CCDC102B: variants seen among roughly 807,000 people sequenced by gnomAD.
CCDC102B encodes the protein coiled-coil domain-containing protein 102B.
A neutral mutation model predicts 57.4 loss-of-function variants in CCDC102B; 75 were observed. That is an observed-to-expected ratio of 1.31 (90% CI 1.08 to 1.58). The LOEUF (loss-of-function observed/expected upper bound fraction) is 1.58. Among genes scored for constraint, CCDC102B ranks in the 40% most tolerant of loss-of-function variants. The pLI is 0.00. For missense variants in CCDC102B, 636 were observed against 582.6 expected (o/e 1.09, Z -0.94); for synonymous variants, 206 against 201.9 (o/e 1.02, Z -0.17).
intron 6 of CCDC102B, among the ~76,000 whole-genome samples, chr18:68,962,288 AC>A (rs1175925863): frequency 6.6e-6 from 1 of 152,006 alleles, no homozygotes; most frequent in Non-Finnish European, 1.5e-5. Context: ...TACCTTACAA[AC>A]CTATATTTTG....
At chr18:68,738,574 A>C (rs1878348779) in intron 2 of CCDC102B, among the ~76,000 whole-genome samples, 1 of 152,204 alleles carries the variant, frequency 6.6e-6, no homozygotes, top group Non-Finnish European at 1.5e-5. Flanking sequence ...CTTTGCCAAA[A>C]GAATCTCTTG....
At chr18:68,926,782 C>G (rs953594758) in intron 6 of CCDC102B, among the ~76,000 whole-genome samples, 1 of 151,846 alleles carries the variant, frequency 6.6e-6, no homozygotes, top group Admixed American at 6.6e-5. Context: ...GGTTTTCCTT[C>G]CAGGGTGTGT....
intron 6 of CCDC102B, among the ~76,000 whole-genome samples, chr18:68,937,324 A>T (rs1008242009): frequency 2.0e-5 from 3 of 152,072 alleles, no homozygotes; most frequent in Admixed American, 6.6e-5. Flanking sequence ...CCTCAAAAAG[A>T]TACTTGTTCA....
intron 6 of CCDC102B, among the ~76,000 whole-genome samples, chr18:68,977,400 C>T (rs1157529020): frequency 6.6e-6 from 1 of 151,860 alleles, no homozygotes; most frequent in African/African-American, 2.4e-5. Flanking sequence ...TTTCTCCTAA[C>T]GCTATCCCTC....
intron 6 of CCDC102B, among the ~76,000 whole-genome samples, chr18:68,925,765 G>A (rs1413292037): frequency 1.3e-5 from 2 of 151,884 alleles, no homozygotes; most frequent in South Asian, 2.1e-4. Context: ...TGTTTTATAA[G>A]GGTACATGCC....
In CCDC102B at chr18:68,956,360, A is replaced by T. The variant is rs375206817; in HGVS notation, c.1264-54574A>T. ...ATATAATATATATATTAATATATAT[A>T]ATATATATATAAAATGTATAATATA... On this transcript the variant is annotated intron_variant, in intron 6 of 7. Transcript: ENST00000360242. 7.9e-4 allele frequency among the ~76,000 whole-genome samples: 59 copies of T among 74,906 alleles called. 4 individuals are homozygous for T. Among genetic ancestry groups the T allele is most frequent in the East Asian group, 4.2e-3 (8 of 1,906 alleles). 49.1% of individuals were successfully genotyped at this position (74,906 alleles called of 152,430 possible).
chr18:68,908,109 A>G (rs1192494776), intron 6 of CCDC102B: 3 of 151,956 alleles, frequency 2.0e-5, no homozygotes, highest in African/African-American at 7.3e-5. Flanking sequence ...GTGTTGAACT[A>G]CTCTTTCATT....
intron 5 of CCDC102B, among the ~76,000 whole-genome samples, chr18:68,889,970 G>A (rs1024370530): frequency 1.1e-4 from 17 of 152,118 alleles, no homozygotes; most frequent in African/African-American, 4.1e-4. Context: ...CCTCGCAGCA[G>A]CACTGACATC....
chr18:68,942,407 A>C (rs2049402885), intron 6 of CCDC102B, among the ~76,000 whole-genome samples: 1 of 151,918 alleles, frequency 6.6e-6, no homozygotes, highest in African/African-American at 2.4e-5. Flanking sequence ...CATATGGAGG[A>C]CCCACGCCGG....
chr18:68,980,269 T>TA (rs892645092), intron 6 of CCDC102B, among the ~76,000 whole-genome samples: 2 of 150,664 alleles, frequency 1.3e-5, no homozygotes, highest in African/African-American at 2.5e-5. Context: ...TTTTTTTTTT[T>TA]AAACATACCT....
intron 1 of CCDC102B, among the ~76,000 whole-genome samples, chr18:68,829,937 CAG>C (rs752537749): frequency 2.0e-5 from 3 of 151,744 alleles, no homozygotes; most frequent in East Asian, 3.8e-4. Flanking sequence ...CAACAACAAA[CAG>C]AAAAAATTCC....
rs1430767657 is a variant in CCDC102B, at chr18:68,956,540, T to A, written c.1264-54394T>A. Among the ~76,000 whole-genome samples the A allele has an allele frequency of 4.8e-4, 2 of 4,138 alleles. 1 individual carries two copies. Among genetic ancestry groups the A allele is most frequent in the African/African-American group, 1.5e-3 (2 of 1,330 alleles). 2.7% of individuals were successfully genotyped at this position (4,138 alleles called of 152,430 possible). ...CGCATATTATATATATTATATATTT[T>A]ATATATATAAATATTATATATATTA... On this transcript the variant is annotated intron_variant, in intron 6 of 7. Coordinates refer to ENST00000360242, the MANE Select transcript of CCDC102B (RefSeq NM_024781.3).
At chr18:68,784,713 A>G (rs1285415129) in intron 2 of CCDC102B, among the ~76,000 whole-genome samples, 1 of 152,226 alleles carries the variant, frequency 6.6e-6, no homozygotes, top group African/African-American at 2.4e-5. Context: ...CTCCTTCAGT[A>G]AAACATGTGG....
In CCDC102B at chr18:68,823,630, G is replaced by A. The variant is rs540620839; in HGVS notation, c.-15-13119G>A. ...GTTTTAAGTTCTTTAACAAATCTCC[G>A]AATTGCTTTCCATGGTGGCTGAACT... On this transcript the variant is annotated intron_variant, in intron 1 of 7. Coordinates refer to ENST00000360242, the MANE Select transcript of CCDC102B (RefSeq NM_024781.3). Among the ~76,000 whole-genome samples the A allele has an allele frequency of 2.2e-3, 338 of 152,158 alleles. 3 individuals are homozygous for A. Among genetic ancestry groups the A allele is most frequent in the African/African-American group, 7.8e-3 (324 of 41,530 alleles).
At chr18:69,022,309 A>T (rs2051866751) in intron 7 of CCDC102B, among the ~76,000 whole-genome samples, 1 of 150,202 alleles carries the variant, frequency 6.7e-6, no homozygotes. Flanking sequence ...ACACACATAT[A>T]TATGGGCCAT....
intron 6 of CCDC102B, among the ~76,000 whole-genome samples, chr18:68,967,505 T>G (rs566069865): frequency 1.3e-5 from 2 of 152,246 alleles, no homozygotes; most frequent in African/African-American, 4.8e-5. Flanking sequence ...AAGAAACAAG[T>G]TGAAGGACAA....
chr18:68,956,360 A>ATTAGT (rs1568351914), intron 6 of CCDC102B, among the ~76,000 whole-genome samples: 1 of 74,942 alleles, frequency 1.3e-5, no homozygotes, highest in Admixed American at 2.2e-4. Flanking sequence ...TAATATATAT[A>ATTAGT]ATATATATAT....
At chr18:68,877,427 G>A (rs1279580390) in intron 5 of CCDC102B, among the ~76,000 whole-genome samples, 2 of 152,064 alleles carry the variant, frequency 1.3e-5, no homozygotes, top group East Asian at 3.9e-4. Context: ...ATCTTCCTTA[G>A]GACACAAACA....
At chr18:68,977,268 G>A (rs1387849251) in intron 6 of CCDC102B, among the ~76,000 whole-genome samples, 1 of 151,848 alleles carries the variant, frequency 6.6e-6, no homozygotes, top group Non-Finnish European at 1.5e-5. Context: ...ATGATGATGA[G>A]TTTTTAAAAA....
Sources: allele counts gnomAD v4.1 joint callset (sites outside exome capture counted in the v4.1 genomes callset), GRCh38; gene constraint gnomAD v4.1.1; transcripts MANE v1.5; gene names NCBI Gene and HGNC (gene_info 2026-07-23, HGNC 2026-07-21).